Variants in VPS13B observed in about 807,000 individuals in gnomAD.
VPS13B encodes intermembrane lipid transfer protein VPS13B.
A neutral mutation model predicts 426.4 loss-of-function variants in VPS13B; 285 were observed. The observed-to-expected ratio is 0.67, with a 90% CI of 0.61 to 0.74. VPS13B has a LOEUF of 0.74. Ranked by LOEUF, VPS13B falls within the 30% of genes least tolerant of loss-of-function variation. VPS13B has a pLI of 0.00. For missense variants in VPS13B, 4,537 were observed against 4,782.6 expected (o/e 0.95, Z 1.51); for synonymous variants, 1,676 against 1,676.4 (o/e 1.00, Z 0.01).
chr8:99,041,584 TGGCTC>T (rs926153240), intron 3 of VPS13B, among the ~76,000 whole-genome samples: 65 of 152,304 alleles, frequency 4.3e-4, no homozygotes, highest in African/African-American at 1.3e-3. Context: ...CTGGGCATGG[TGGCTC>T]ACGCCTGTAA....
At chr8:99,235,477 A>G (rs1816587457) in intron 17 of VPS13B, among the ~76,000 whole-genome samples, 1 of 152,174 alleles carries the variant, frequency 6.6e-6, no homozygotes, top group South Asian at 2.1e-4. Context: ...CTGTGTGCCT[A>G]TCATATTTAT....
chr8:99,561,087 G>A (rs995134448), intron 31 of VPS13B, among the ~76,000 whole-genome samples: 6 of 152,112 alleles, frequency 3.9e-5, no homozygotes, highest in African/African-American at 1.4e-4. Flanking sequence ...GTGGCATTTA[G>A]TACATTTACA....
chr8:99,492,719 G>C (rs1820680222), intron 25 of VPS13B, among the ~76,000 whole-genome samples: 1 of 152,196 alleles, frequency 6.6e-6, no homozygotes, highest in Non-Finnish European at 1.5e-5. Flanking sequence ...CTAAGACTGT[G>C]GGAGAAGTGC....
intron 36 of VPS13B, among the ~76,000 whole-genome samples, chr8:99,710,878 G>A (rs1161378380): frequency 1.3e-5 from 2 of 151,304 alleles, no homozygotes; most frequent in South Asian, 2.1e-4. Context: ...GGTGGTGTGT[G>A]CCTGTAATCC....
intron 19 of VPS13B, among the ~76,000 whole-genome samples, chr8:99,362,050 TA>T (rs1812590907): frequency 6.6e-6 from 1 of 152,172 alleles, no homozygotes; most frequent in Admixed American, 6.5e-5. Flanking sequence ...CTGTTTCCAT[TA>T]AACTTTGACC....
intron 36 of VPS13B, among the ~76,000 whole-genome samples, chr8:99,700,509 G>A (rs1282844203): frequency 1.3e-5 from 2 of 152,334 alleles, no homozygotes; most frequent in Admixed American, 6.5e-5. Context: ...CAGAAGCCAA[G>A]GTTCAACTTT....
chr8:99,716,850 C>T (rs528169063), intron 36 of VPS13B, among the ~76,000 whole-genome samples: 1 of 152,254 alleles, frequency 6.6e-6, no homozygotes, highest in East Asian at 1.9e-4. Context: ...AATGAAGCAG[C>T]TGTTCTTATT....
At chr8:99,021,167 A>G (rs1186094977) in intron 2 of VPS13B, among the ~76,000 whole-genome samples, 1 of 152,246 alleles carries the variant, frequency 6.6e-6, no homozygotes, top group Non-Finnish European at 1.5e-5. Flanking sequence ...GCCCTAAAAC[A>G]GAAGGATTAA....
At chr8:99,302,217 G>T (rs1389907253) in intron 19 of VPS13B, among the ~76,000 whole-genome samples, 6 of 152,116 alleles carry the variant, frequency 3.9e-5, no homozygotes, top group African/African-American at 1.4e-4. Flanking sequence ...AGATTACCAG[G>T]GTTGGCTTCA....
chr8:99,697,461 T>C, intron 35 of VPS13B: 1 of 724,032 alleles, frequency 1.4e-6, no homozygotes, highest in Non-Finnish European at 2.5e-6. Flanking sequence ...GAAATCGACA[T>C]CCTCAGCGAT....
chr8:99,350,131 G>T (rs905081099), intron 19 of VPS13B, among the ~76,000 whole-genome samples: 1 of 151,852 alleles, frequency 6.6e-6, no homozygotes, highest in African/African-American at 2.4e-5. Flanking sequence ...GCATTAACTC[G>T]GTCAAGATGA....
In VPS13B at chr8:99,817,528, A is replaced by T; in HGVS notation, c.8098-12A>T. On this transcript the variant is annotated splice_polypyrimidine_tract_variant and intron_variant, in intron 44 of 61. Coordinates refer to ENST00000357162, the MANE Select transcript of VPS13B (RefSeq NM_152564.5). Reference sequence around the variant, plus strand: ...GAATTGATGAAGCCTTATATACTTAACTGTCTTTTAGATTATCATCTGTGG... The same window carrying T: ...GAATTGATGAAGCCTTATATACTTATCTGTCTTTTAGATTATCATCTGTGG... The T allele has an allele frequency of 6.2e-7, 1 of 1,613,740 alleles. No homozygotes were observed. The highest frequency in any genetic ancestry group is 1.1e-5 in the South Asian group (1 of 91,000).
chr8:99,631,320 G>A (rs1828837535), intron 33 of VPS13B, among the ~76,000 whole-genome samples: 1 of 152,082 alleles, frequency 6.6e-6, no homozygotes, highest in African/African-American at 2.4e-5. Flanking sequence ...AAGAGGACTA[G>A]GTCCAACCCT....
chr8:99,101,921 T>C (rs1462006568), intron 4 of VPS13B, among the ~76,000 whole-genome samples: 1 of 151,878 alleles, frequency 6.6e-6, no homozygotes, highest in Non-Finnish European at 1.5e-5. Flanking sequence ...ACCTTTTAAA[T>C]AGTTTTCTTT....
intron 54 of VPS13B, among the ~76,000 whole-genome samples, chr8:99,843,104 T>C (rs149361208): frequency 1.8e-3 from 268 of 152,212 alleles, no homozygotes; most frequent in African/African-American, 5.7e-3. Flanking sequence ...CAGTGAGCCA[T>C]GATCGTGCCA....
chr8:99,348,760 T>C (rs1811690145), intron 19 of VPS13B, among the ~76,000 whole-genome samples: 1 of 152,354 alleles, frequency 6.6e-6, no homozygotes, highest in East Asian at 1.9e-4. Flanking sequence ...TTATAGTGTT[T>C]TGTTCTTAAG....
intron 21 of VPS13B, among the ~76,000 whole-genome samples, chr8:99,400,134 A>T (rs1018217966): frequency 6.6e-6 from 1 of 152,214 alleles, no homozygotes; most frequent in African/African-American, 2.4e-5. Context: ...AAGCTTTAGA[A>T]GGTAAATTAT....
chr8:99,090,270 T>G (rs1285832674), intron 3 of VPS13B, among the ~76,000 whole-genome samples: 1 of 150,628 alleles, frequency 6.6e-6, no homozygotes, highest in Non-Finnish European at 1.5e-5. Context: ...TCATAAACTT[T>G]TTTTTTTTTT....
At chr8:99,146,599 G>A (rs899222054) in intron 13 of VPS13B, among the ~76,000 whole-genome samples, 1 of 152,102 alleles carries the variant, frequency 6.6e-6, no homozygotes, top group South Asian at 2.1e-4. Context: ...TGGAGATGGG[G>A]TCTCACTTTG....
Sources: allele counts gnomAD v4.1 joint callset (sites outside exome capture counted in the v4.1 genomes callset), GRCh38; gene constraint gnomAD v4.1.1; transcripts MANE v1.5; gene names NCBI Gene and HGNC (gene_info 2026-07-23, HGNC 2026-07-21).